The following MYT1L variants were observed in gnomAD, a reference collection of about 807,000 sequenced individuals.
MYT1L encodes myelin transcription factor 1-like protein.
MYT1L carries 12 observed loss-of-function variants against 126.7 expected under a neutral mutation model. The ratio of observed to expected loss-of-function variants is 0.09; its 90% CI spans 0.06 to 0.15. The LOEUF (loss-of-function observed/expected upper bound fraction) is 0.15, where lower values mean the gene tolerates loss of function less well. MYT1L is among the 10% of genes least tolerant of loss of function. The pLI, the probability that MYT1L is intolerant of heterozygous loss-of-function variation, is 1.00. For missense variants in MYT1L, 979 were observed against 1,585.2 expected (o/e 0.62, Z 6.49); for synonymous variants, 541 against 604.2 (o/e 0.90, Z 1.53).
rs537741181 is a variant in MYT1L at position 2,301,096 on chromosome 2, G to A, written c.-520-16593C>T. On this transcript the variant is annotated intron_variant, in intron 1 of 24. Transcript: ENST00000647738. ...CTTGCACTCAGCAGACAACATGGAA[G>A]CCTACGTTCACATTAATCCAAAGAG... Among the ~76,000 whole-genome samples the A allele has an allele frequency of 2.2e-4, 34 of 152,256 alleles. 1 individual carries two copies. In the South Asian group the frequency reaches 6.7e-3, roughly 30 times the overall value.
intron 14 of MYT1L, among the ~76,000 whole-genome samples, chr2:1,899,044 A>C (rs2049991738): frequency 6.6e-6 from 1 of 152,188 alleles, no homozygotes; most frequent in Non-Finnish European, 1.5e-5. Context: ...CAAAAGGAGA[A>C]CATGGGCAGA....
chr2:1,888,187 G>C (rs2048384818), intron 16 of MYT1L, among the ~76,000 whole-genome samples: 1 of 152,220 alleles, frequency 6.6e-6, no homozygotes, highest in Non-Finnish European at 1.5e-5. Context: ...CCTAAGTGTA[G>C]ATACATGGGA....
In MYT1L at chr2:1,922,931, T is replaced by C. The variant is rs765091622; in HGVS notation, c.838A>G (p.Met280Val). 1.3e-5 allele frequency: 21 copies of C among 1,614,088 alleles called. 1 individual carries two copies. In the South Asian group the frequency reaches 2.3e-4, roughly 18 times the overall value. Residue 280 changes from methionine to valine, a missense_variant, in exon 10 of 25, where the codon ATG (methionine) becomes GTG (valine). Transcript: ENST00000647738. This position sits in a 1 kb window ranked among gnomAD's most constrained non-coding sequence, Gnocchi z 7.4. ...CTGTCTGCATAATTTCTGTCATTCATGTTTTCTGAGAGCACAACACCGTGT... is the reference window on the plus strand; with the variant it reads ...CTGTCTGCATAATTTCTGTCATTCACGTTTTCTGAGAGCACAACACCGTGT... ...QGHGVVLSEN[M>V]NDRNYADSMS... is the part of the protein sequence containing the mutation.
intron 1 of MYT1L, among the ~76,000 whole-genome samples, chr2:2,307,433 A>G (rs1406175248): frequency 6.6e-6 from 1 of 152,124 alleles, no homozygotes; most frequent in African/African-American, 2.4e-5. Flanking sequence ...AATGGCAGGG[A>G]TAAAACATTT....
chr2:1,864,606 C>G (rs1296886845), intron 18 of MYT1L, among the ~76,000 whole-genome samples: 2 of 152,216 alleles, frequency 1.3e-5, no homozygotes, highest in East Asian at 3.9e-4. Context: ...AGAGCTGTCT[C>G]TGTGTTCAGG....
intron 2 of MYT1L, among the ~76,000 whole-genome samples, chr2:2,210,131 A>G (rs2093452562): frequency 6.6e-6 from 1 of 152,016 alleles, no homozygotes; most frequent in African/African-American, 2.4e-5. Flanking sequence ...GTCCATTTTT[A>G]ATTGACATTT....
chr2:1,841,156 C>CG (rs1426926044), intron 19 of MYT1L: 23 of 156,352 alleles, frequency 1.5e-4, no homozygotes, highest in Admixed American at 5.2e-4. Context: ...TTGCCCACCT[C>CG]GGCCTCTTTT....
At chr2:1,905,013 G>A (rs2050860404) in intron 13 of MYT1L, among the ~76,000 whole-genome samples, 1 of 151,714 alleles carries the variant, frequency 6.6e-6, no homozygotes, top group South Asian at 2.1e-4. Flanking sequence ...AGCCATGATG[G>A]TCTCGATCTC....
intron 2 of MYT1L, among the ~76,000 whole-genome samples, chr2:2,184,774 C>T (rs752562451): frequency 4.6e-5 from 7 of 152,134 alleles, no homozygotes; most frequent in Non-Finnish European, 8.8e-5. Context: ...ATATAAGCCT[C>T]TCCTCATCCG....
At chr2:2,074,379 T>C (rs2074981652) in intron 3 of MYT1L, among the ~76,000 whole-genome samples, 1 of 152,236 alleles carries the variant, frequency 6.6e-6, no homozygotes, top group African/African-American at 2.4e-5. Flanking sequence ...ACACATCCAC[T>C]GTGAGTCTGA....
chr2:1,876,389 TC>T (rs1487990125), intron 18 of MYT1L, among the ~76,000 whole-genome samples: 2 of 152,058 alleles, frequency 1.3e-5, no homozygotes, highest in Non-Finnish European at 2.9e-5. Context: ...TGCCCAGGAC[TC>T]CGAGTCCAGC....
chr2:2,288,841 G>A (rs1261846153), intron 1 of MYT1L, among the ~76,000 whole-genome samples: 2 of 152,128 alleles, frequency 1.3e-5, no homozygotes, highest in Non-Finnish European at 2.9e-5. Context: ...CTTTGCTAGA[G>A]AACAATATAA....
chr2:2,213,698 A>G, intron 2 of MYT1L, among the ~76,000 whole-genome samples: 1 of 152,236 alleles, frequency 6.6e-6, no homozygotes, highest in East Asian at 1.9e-4. Context: ...AAAAAGCTAG[A>G]CCATATCATA....
intron 3 of MYT1L, among the ~76,000 whole-genome samples, chr2:2,123,934 A>T (rs1168080633): frequency 6.6e-6 from 1 of 152,184 alleles, no homozygotes; most frequent in Non-Finnish European, 1.5e-5. Context: ...GACACTGGGA[A>T]GTACAGGGAA....
intron 3 of MYT1L, among the ~76,000 whole-genome samples, chr2:2,076,150 G>C (rs1026100878): frequency 6.6e-6 from 1 of 152,162 alleles, no homozygotes; most frequent in African/African-American, 2.4e-5. Flanking sequence ...AGCCTGGCTG[G>C]GAGTTGAATA....
At chr2:2,293,500 C>A (rs1453456999) in intron 1 of MYT1L, among the ~76,000 whole-genome samples, 2 of 152,172 alleles carry the variant, frequency 1.3e-5, no homozygotes, top group Non-Finnish European at 2.9e-5. Context: ...ACTGTTCCCA[C>A]ACAGGTGGAG....
intron 3 of MYT1L, among the ~76,000 whole-genome samples, chr2:2,079,328 T>A (rs1440563014): frequency 1.3e-5 from 2 of 152,332 alleles, no homozygotes; most frequent in East Asian, 3.9e-4. Context: ...TATATTATAT[T>A]GTTTTAAGAA....
chr2:1,915,266 G>T (rs2052652483), intron 11 of MYT1L, among the ~76,000 whole-genome samples: 1 of 152,214 alleles, frequency 6.6e-6, no homozygotes. Flanking sequence ...GTAAATGCTT[G>T]TGGTGTTATA....
chr2:2,305,316 A>G (rs921190520), intron 1 of MYT1L, among the ~76,000 whole-genome samples: 1 of 152,246 alleles, frequency 6.6e-6, no homozygotes, highest in Non-Finnish European at 1.5e-5. Context: ...AGGTGATTAT[A>G]TTCATTCCTA....
Sources: allele counts gnomAD v4.1 joint callset (sites outside exome capture counted in the v4.1 genomes callset), GRCh38; gene constraint gnomAD v4.1.1; non-coding constraint Gnocchi (gnomAD v3.1); transcripts MANE v1.5; gene names NCBI Gene and HGNC (gene_info 2026-07-23, HGNC 2026-07-21).